The following ERICH3 variants were observed in gnomAD, a reference collection of about 807,000 sequenced individuals.
ERICH3 encodes glutamate rich 3, also known as glutamate-rich protein 3.
A neutral mutation model predicts 131.1 loss-of-function variants in ERICH3; 126 were observed. The observed-to-expected ratio is 0.96, with a 90% CI of 0.83 to 1.11. The LOEUF (loss-of-function observed/expected upper bound fraction) is 1.11. Ranked by LOEUF, ERICH3 falls within the 50% of genes most tolerant of loss-of-function variation. The pLI is 0.00. For missense variants in ERICH3, 2,050 were observed against 1,810.7 expected (o/e 1.13, Z -2.40); for synonymous variants, 695 against 644.6 (o/e 1.08, Z -1.18).
chr1:74,579,673 G>C (rs1057300521), intron 12 of ERICH3: 25 of 985,220 alleles, frequency 2.5e-5, no homozygotes, highest in African/African-American at 1.6e-4. Flanking sequence ...AACTTGGCTG[G>C]TGTCTAACCT....
chr1:74,647,251 C>T (rs977730), intron 2 of ERICH3, among the ~76,000 whole-genome samples: 2,443 of 151,992 alleles, frequency 0.016, 84 homozygotes, highest in African/African-American at 0.056. Flanking sequence ...AGGAAGGGGG[C>T]GGGGTACTAC....
At position 74,641,404 on chromosome 1, in the gene ERICH3, G is replaced by T; in HGVS notation, c.371C>A (p.Pro124Gln). ...ACGATTACTCTTTGGGCCAACTGGT[G>T]GGTGGGGAGACAGGATTGGCATGTT... ...ENNMPILSPHPPVGPKSNRGH... is the reference protein window; with the variant it reads ...ENNMPILSPHQPVGPKSNRGH... The change falls in exon 5 of 15, where the codon CCA (proline) becomes CAA (glutamine). Residue 124 changes from proline (P) to glutamine (Q), a missense_variant. Physicochemically the swap from Pro to Gln is moderately conservative, Grantham distance 76. Transcript: ENST00000326665. 6.2e-7 allele frequency: 1 copy of T among 1,612,070 alleles called. No homozygotes were observed. The highest frequency in any genetic ancestry group is 1.1e-5 in the South Asian group (1 of 90,750).
Position 74,590,161 on chromosome 1 carries a change from T to C in ERICH3, c.1727-81A>G, listed in dbSNP as rs1647521899. 28 of 1,218,440 alleles carry C rather than the reference T, an allele frequency of 2.3e-5. 1 individual carries two copies. In the South Asian group the frequency reaches 4.4e-4, roughly 19 times the overall value. The allele number at this position is 1,218,440 out of a possible 1,614,324, so 75.5% of individuals were successfully genotyped here. A position where few individuals can be genotyped will look rare whatever the true frequency, so the allele number is the denominator to read the frequency against. On this transcript the variant is annotated intron_variant, in intron 11 of 14. Transcript: ENST00000326665. Reference sequence around the variant, plus strand: ...TTGTAAAAATTATGTTAGCAATTAATAATACTAAAAATTTTAAAACATAGT... The same window carrying C: ...TTGTAAAAATTATGTTAGCAATTAACAATACTAAAAATTTTAAAACATAGT...
Position 74,614,120 on chromosome 1 carries a change from T to C in ERICH3, c.1001-1311A>G, listed in dbSNP as rs117665293. ...TACGTCTGTGGTAAGAACCAAGAAT[T>C]TGCATTTCTAACAAGTTTCAGGTGA... On this transcript the variant is annotated intron_variant, in intron 8 of 14. Coordinates refer to ENST00000326665, the MANE Select transcript of ERICH3 (RefSeq NM_001002912.5). Among the ~76,000 whole-genome samples, 169 of 152,208 alleles carry C rather than the reference T, an allele frequency of 1.1e-3. 1 individual carries two copies. The East Asian group carries it at 0.017, about 15-fold the overall frequency.
chr1:74,663,784 A>G (rs926216085), intron 1 of ERICH3, among the ~76,000 whole-genome samples: 2 of 152,098 alleles, frequency 1.3e-5, no homozygotes, highest in African/African-American at 4.8e-5. Flanking sequence ...ACTAAAAAAT[A>G]TAATCACCTA....
intron 2 of ERICH3, among the ~76,000 whole-genome samples, 178 bp from the exon 3 acceptor site, chr1:74,646,970 A>G (rs6700243): frequency 0.42 from 59,205 of 141,438 alleles, 12,933 homozygotes; most frequent in Non-Finnish European, 0.51. Flanking sequence ...GAGAGAGAGA[A>G]AAAAAAAAAA....
At chr1:74,671,600 C>T (rs1459570854) in intron 1 of ERICH3, among the ~76,000 whole-genome samples, 1 of 152,082 alleles carries the variant, frequency 6.6e-6, no homozygotes, top group African/African-American at 2.4e-5. Flanking sequence ...GGGGCGGGTT[C>T]CCCCAATAAG....
rs1187938019 is a variant in ERICH3 at position 74,589,739 on chromosome 1, T to G, written c.2068A>C (p.Lys690Gln). 6.2e-7 allele frequency: 1 copy of G among 1,613,968 alleles called. No individual in the cohort carries two copies. Among genetic ancestry groups the G allele is most frequent in the African/African-American group, 1.3e-5 (1 of 74,906 alleles). ...TCCTTTTCTTCTGCAGAAACATGTT[T>G]CCCGGACTTCTCAGATAAACCCTCT... ...IAEGLSEKSG[K>Q]HVSAEEKEKD... The change falls in exon 12 of 15, where the codon AAA becomes CAA. Residue 690 changes from lysine (K) to glutamine (Q), a missense_variant. Transcript: ENST00000326665.
intron 1 of ERICH3, among the ~76,000 whole-genome samples, chr1:74,652,269 A>G (rs1646542196): frequency 6.6e-6 from 1 of 152,156 alleles, no homozygotes; most frequent in Non-Finnish European, 1.5e-5. Flanking sequence ...TTTCCACTGC[A>G]TGCATATACA....
chr1:74,611,600 T>A (rs952317631), intron 9 of ERICH3, among the ~76,000 whole-genome samples: 4 of 152,200 alleles, frequency 2.6e-5, no homozygotes, highest in African/African-American at 9.6e-5. Context: ...AGCCTCATGG[T>A]CTCTGCGACC....
chr1:74,576,095 G>C (rs186247526), intron 13 of ERICH3, among the ~76,000 whole-genome samples: 2 of 152,266 alleles, frequency 1.3e-5, no homozygotes, highest in South Asian at 4.2e-4. Flanking sequence ...TATAAACTGG[G>C]AAATAACACC....
chr1:74,649,905 C>T (rs768996387), intron 1 of ERICH3, among the ~76,000 whole-genome samples: 3 of 151,994 alleles, frequency 2.0e-5, no homozygotes, highest in Non-Finnish European at 2.9e-5. Context: ...CTTCCACTCC[C>T]GCTCCCCACC....
chr1:74,620,728 G>A lies in ERICH3; in HGVS notation c.1000+6C>T, dbSNP rs41289218. ...CAATTAAAAAACATTCACATTTTATGTGTACCTTTTTCAAGTAGTTTGCCT... is the reference window on the plus strand; with the variant it reads ...CAATTAAAAAACATTCACATTTTATATGTACCTTTTTCAAGTAGTTTGCCT... On this transcript the variant is annotated splice_donor_region_variant and intron_variant, in intron 8 of 14. Coordinates refer to ENST00000326665, the MANE Select transcript of ERICH3 (RefSeq NM_001002912.5). 1.9e-6 allele frequency: 3 copies of A among 1,588,236 alleles called. No individual in the cohort carries two copies. The highest frequency in any genetic ancestry group is 1.2e-5 in the South Asian group (1 of 86,310).
At position 74,596,571 on chromosome 1, in the gene ERICH3, C is replaced by T. The variant is rs978167247; in HGVS notation, c.1726+3124G>A. On this transcript the variant is annotated intron_variant, in intron 11 of 14. Coordinates refer to ENST00000326665, the MANE Select transcript of ERICH3 (RefSeq NM_001002912.5). ...CCTACTGTGTAGTAAAATACTAGAA[C>T]TTATTCTTCCTGTCTAACTGTAACT... 6.6e-5 allele frequency among the ~76,000 whole-genome samples: 10 copies of T among 151,986 alleles called. No individual in the cohort carries two copies. The East Asian group carries it at 1.9e-3, about 30-fold the overall frequency.
At chr1:74,610,195 T>C (rs994799614) in intron 9 of ERICH3, among the ~76,000 whole-genome samples, 3 of 151,846 alleles carry the variant, frequency 2.0e-5, no homozygotes, top group African/African-American at 7.3e-5. Context: ...ATTGATACTA[T>C]CTTGCCCTAG....
intron 7 of ERICH3, among the ~76,000 whole-genome samples, chr1:74,629,850 T>C (rs150615996): frequency 1.4e-4 from 22 of 152,282 alleles, no homozygotes; most frequent in African/African-American, 5.1e-4. Context: ...ATATAAGCGA[T>C]AGAACTCTAA....
chr1:74,667,148 G>A (rs1464682523), intron 1 of ERICH3, among the ~76,000 whole-genome samples: 2 of 151,722 alleles, frequency 1.3e-5, no homozygotes, highest in African/African-American at 4.8e-5. Flanking sequence ...TTTTTGTGAT[G>A]CCAAGGTCTT....
At chr1:74,604,950 C>T (rs1328104802) in intron 10 of ERICH3, among the ~76,000 whole-genome samples, 1 of 151,898 alleles carries the variant, frequency 6.6e-6, no homozygotes, top group Non-Finnish European at 1.5e-5. Context: ...CAGGTGTTGA[C>T]TTCTCCTTTC....
intron 4 of ERICH3, among the ~76,000 whole-genome samples, chr1:74,642,675 TC>T (rs1341622025): frequency 2.0e-5 from 3 of 152,252 alleles, no homozygotes; most frequent in Admixed American, 6.6e-5. Flanking sequence ...AGCCCTGTTT[TC>T]CATCAGGTTG....
Sources: gnomAD v4.1 joint callset for allele counts (sites outside exome capture counted in the v4.1 genomes callset) on GRCh38, gnomAD v4.1.1 for gene constraint, MANE v1.5 for transcripts, NCBI Gene and HGNC (gene_info 2026-07-23, HGNC 2026-07-21) for gene names.